Variants in PSME2 observed in about 807,000 individuals in gnomAD.
The protein encoded by PSME2 is proteasome activator complex subunit 2.
PSME2 carries 20 observed loss-of-function variants against 38.8 expected under a neutral mutation model. The ratio of observed to expected loss-of-function variants is 0.52; its 90% confidence interval spans 0.36 to 0.75. PSME2 has a LOEUF of 0.75. PSME2 is among the 30% of genes least tolerant of loss of function. The pLI is 0.00. For missense variants in PSME2, 227 were observed against 287.6 expected (o/e 0.79, Z 1.52); for synonymous variants, 82 against 102.5 (o/e 0.80, Z 1.21).
At chr14:24,146,111 A>G in intron 2 of PSME2, 97 bp downstream of exon 2, 1 of 1,441,714 alleles carries the variant, frequency 6.9e-7, no homozygotes, top group Non-Finnish European at 9.7e-7. Flanking sequence ...AAGTAGGGTT[A>G]AGTCTAGGGT....
chr14:24,144,550 A>G (rs2038122504), intron 6 of PSME2, 82 bp from the exon 7 acceptor site: 1 of 1,374,586 alleles, frequency 7.3e-7, no homozygotes. Context: ...AAAAAAAGTT[A>G]TATTTAATTG....
Position 24,143,865 on chromosome 14 carries a change from A to C in PSME2, c.552+110T>G. On this transcript the variant is annotated intron_variant, in intron 9 of 10. Transcript: ENST00000216802. The surrounding 1 kb of genome is among the most constrained non-coding windows in gnomAD (Gnocchi z 4.4). The stretch of plus-strand genomic sequence containing the variant: ...ACCAGTTTTTCTAGGTAATGCTTTT[A>C]GCTTAATATTCTCCACATTGGGAAA... 1 of 1,424,440 alleles carries C rather than the reference A, an allele frequency of 7.0e-7. No individual in the cohort carries two copies. The highest frequency in any genetic ancestry group is 9.8e-7 in the Non-Finnish European group (1 of 1,018,734). 88.2% of individuals were successfully genotyped at this position (1,424,440 alleles called of 1,614,324 possible). A position where few individuals can be genotyped will look rare whatever the true frequency, so the allele number is the denominator to read the frequency against.
At position 24,146,197 on chromosome 14, in the gene PSME2, C is replaced by T; in HGVS notation, c.81+11G>A. The stretch of plus-strand genomic sequence containing the variant: ...GATTCTGGGTCAAATCGCTCAAATC[C>T]AGAGACTTACCTCCTGGAAAAGATT... On this transcript the variant is annotated intron_variant, in intron 2 of 10. Transcript: ENST00000216802. 1 of 1,613,208 alleles carries T rather than the reference C, an allele frequency of 6.2e-7. No homozygotes were observed. The highest frequency in any genetic ancestry group is 8.5e-7 in the Non-Finnish European group (1 of 1,179,300).
chr14:24,143,717 G>C lies in PSME2; in HGVS notation c.553-46C>G. The stretch of plus-strand genomic sequence containing the variant: ...CTGAGTCAGTCCCATGGGAGGCTGG[G>C]ACATGAGTCTGGTTTCCTTTTATAG... On this transcript the variant is annotated intron_variant, in intron 9 of 10. Transcript: ENST00000216802. The surrounding 1 kb of genome is among the most constrained non-coding windows in gnomAD (Gnocchi z 4.4). The C allele has an allele frequency of 6.3e-7, 1 of 1,583,902 alleles. No homozygotes were observed. Among genetic ancestry groups the C allele is most frequent in the Non-Finnish European group, 8.7e-7 (1 of 1,153,360 alleles).
chr14:24,145,651 A>G, intron 3 of PSME2, 59 bp downstream of exon 3: 1 of 1,548,944 alleles, frequency 6.5e-7, no homozygotes, highest in Non-Finnish European at 8.9e-7. Context: ...TTAGCTAGAG[A>G]GGGTGGGCAA....
chr14:24,146,214 G>GA lies in PSME2; in HGVS notation c.74dup (p.Gln26ProfsTer4). On this transcript the variant is annotated frameshift_variant, in exon 2 of 11. Coordinates refer to ENST00000216802, the MANE Select transcript of PSME2 (RefSeq NM_002818.3). LOFTEE classifies it high-confidence loss of function. The stretch of plus-strand genomic sequence containing the variant: ...CTCAAATCCAGAGACTTACCTCCTG[G>GA]AAAAGATTCTGTCTGAAGACCTCCA... 6.2e-7 allele frequency: 1 copy of GA among 1,612,576 alleles called. No homozygotes were observed. Among genetic ancestry groups the GA allele is most frequent in the Non-Finnish European group, 8.5e-7 (1 of 1,179,312 alleles).
At chr14:24,144,102 C>T (rs2038115975) in intron 8 of PSME2, 73 bp from the exon 9 acceptor site, 1 of 1,610,380 alleles carries the variant, frequency 6.2e-7, no homozygotes, top group African/African-American at 1.3e-5. Flanking sequence ...TTCCCAAAGT[C>T]TCCCATCATC....
Position 24,145,400 on chromosome 14 carries a change from G to T in PSME2, c.210C>A (p.Asp70Glu), listed in dbSNP as rs1436599127. The T allele has an allele frequency of 6.3e-7, 1 of 1,583,808 alleles. No individual in the cohort carries two copies. Among genetic ancestry groups the T allele is most frequent in the Non-Finnish European group, 8.6e-7 (1 of 1,164,934 alleles). Residue 70 changes from aspartate (D) to glutamate (E), a missense_variant, in exon 4 of 11, where the codon GAC becomes GAA. By Grantham distance (45) the Asp-to-Glu change is conservative (BLOSUM62 2). Transcript: ENST00000216802. ...LRAPLDIPIP[D>E]PPPKDDEMET... The stretch of plus-strand genomic sequence containing the variant: ...TCACCTCATCATCCTTGGGTGGAGG[G>T]TCTGGGATGGGGATGTCCAGTGGGG...
rs746586120 is a variant in PSME2 at position 24,146,195 on chromosome 14, T to G, written c.81+13A>C. ...AAGATTCTGGGTCAAATCGCTCAAA[T>G]CCAGAGACTTACCTCCTGGAAAAGA... On this transcript the variant is annotated intron_variant, in intron 2 of 10. Coordinates refer to ENST00000216802, the MANE Select transcript of PSME2 (RefSeq NM_002818.3). The G allele has an allele frequency of 6.2e-7, 1 of 1,613,064 alleles. No homozygotes were observed. The highest frequency in any genetic ancestry group is 8.5e-7 in the Non-Finnish European group (1 of 1,179,224).
At position 24,143,768 on chromosome 14, in the gene PSME2, C is replaced by T. The variant is rs115877996; in HGVS notation, c.553-97G>A. 1.0e-3 allele frequency: 1,410 copies of T among 1,365,444 alleles called. 9 individuals are homozygous for T. In the African/African-American group the frequency reaches 0.018, roughly 18 times the overall value. The allele number at this position is 1,365,444 out of a possible 1,614,324, so 84.6% of individuals were successfully genotyped here. A position where few individuals can be genotyped will look rare whatever the true frequency, so the allele number is the denominator to read the frequency against. On this transcript the variant is annotated intron_variant, in intron 9 of 10. Transcript: ENST00000216802. The surrounding 1 kb of genome is among the most constrained non-coding windows in gnomAD (Gnocchi z 4.4). ...GAAATAGGTTAACTTGAGAATGAAC[C>T]CCTTCTTAGCACCAAGAAATAGGAT...
At chr14:24,145,796 G>C in intron 2 of PSME2, 24 bp from the exon 3 acceptor site, 2 of 1,600,052 alleles carry the variant, frequency 1.2e-6, no homozygotes, top group Non-Finnish European at 1.7e-6. Flanking sequence ...TGCAAGGGAG[G>C]GGAATCACAG....
chr14:24,143,877 T>A lies in PSME2; in HGVS notation c.552+98A>T. 2.0e-6 allele frequency: 3 copies of A among 1,468,474 alleles called. No individual in the cohort carries two copies. The highest frequency in any genetic ancestry group is 3.4e-5 in the Admixed American group (2 of 58,656). 91.0% of individuals were successfully genotyped at this position (1,468,474 alleles called of 1,614,324 possible). ...AGGTAATGCTTTTAGCTTAATATTCTCCACATTGGGAAAGTCACAAACAAG... is the reference window on the plus strand; with the variant it reads ...AGGTAATGCTTTTAGCTTAATATTCACCACATTGGGAAAGTCACAAACAAG... On this transcript the variant is annotated intron_variant, in intron 9 of 10. Transcript: ENST00000216802. This position sits in a 1 kb window ranked among gnomAD's most constrained non-coding sequence, Gnocchi z 4.4.
In PSME2 at chr14:24,146,610, C is replaced by A. The variant is rs370337790; in HGVS notation, c.-29G>T. On this transcript the variant is annotated 5_prime_UTR_variant, in exon 1 of 11. Transcript: ENST00000216802. ...GCTTCAGTCGCTAGATCTCTGGTCT[C>A]CCGGCTAGTCGCCCGGGCTTTCGCT... 4.3e-6 allele frequency: 7 copies of A among 1,611,468 alleles called. No homozygotes were observed. Among genetic ancestry groups the A allele is most frequent in the Non-Finnish European group, 5.9e-6 (7 of 1,179,996 alleles).
Position 24,144,002 on chromosome 14 carries a change from C to G in PSME2, c.525G>C (p.Val175=). The G allele has an allele frequency of 6.2e-7, 1 of 1,614,076 alleles. No homozygotes were observed. The highest frequency in any genetic ancestry group is 8.5e-7 in the Non-Finnish European group (1 of 1,180,024). ...CATGAGTCTCCTTGGAGGCCTTGGC[C>G]ACAGCATCCCCACGTTCTGAGAAGT... is the stretch of plus-strand genomic sequence containing the variant. ...SKYFSERGDA[V]AKASKETHVM... Residue 175 remains valine (V), a synonymous_variant, in exon 9 of 11, where the codon GTG becomes GTC. Transcript: ENST00000216802.
intron 1 of PSME2, 80 bp from the exon 2 acceptor site, chr14:24,146,320 A>C: frequency 7.7e-6 from 12 of 1,556,742 alleles, no homozygotes; most frequent in Non-Finnish European, 1.1e-5. Context: ...GTGCCCTCGA[A>C]CTGTGGCTCA....
At chr14:24,146,020 T>A (rs2038148521) in intron 2 of PSME2, 188 bp downstream of exon 2, 1 of 833,480 alleles carries the variant, frequency 1.2e-6, no homozygotes, top group Non-Finnish European at 2.0e-6. Context: ...GTGCCAGAAG[T>A]CGGGAGAGTC....
Position 24,145,397 on chromosome 14 carries a change from A to C in PSME2, c.213T>G (p.Pro71=). The C allele has an allele frequency of 6.3e-7, 1 of 1,585,938 alleles. No individual in the cohort carries two copies. Among genetic ancestry groups the C allele is most frequent in the East Asian group, 2.2e-5 (1 of 44,786 alleles). The part of the protein sequence containing the change: ...RAPLDIPIPD[P]PPKDDEMETD... The stretch of plus-strand genomic sequence containing the variant: ...GCCTCACCTCATCATCCTTGGGTGG[A>C]GGGTCTGGGATGGGGATGTCCAGTG... The change falls in exon 4 of 11, where the codon CCT becomes CCG. Residue 71 remains proline, a synonymous_variant. Coordinates refer to ENST00000216802, the MANE Select transcript of PSME2 (RefSeq NM_002818.3).
intron 7 of PSME2, 22 bp downstream of exon 7, chr14:24,144,378 T>A: frequency 6.2e-7 from 1 of 1,609,878 alleles, no homozygotes; most frequent in East Asian, 2.2e-5. Flanking sequence ...ACTCTAAGTA[T>A]CTTCAGTTAC....
chr14:24,145,963 G>A, intron 2 of PSME2, 191 bp from the exon 3 acceptor site: 1 of 814,662 alleles, frequency 1.2e-6, no homozygotes, highest in Non-Finnish European at 2.0e-6. Flanking sequence ...TGATATTCCT[G>A]CTTTGGAAGC....
Sources: gnomAD v4.1 joint callset for allele counts on GRCh38, gnomAD v4.1.1 for gene constraint, Gnocchi (gnomAD v3.1) non-coding constraint, MANE v1.5 for transcripts, NCBI Gene and HGNC (gene_info 2026-07-23, HGNC 2026-07-21) for gene names.